Variants in HIPK2 observed in about 807,000 individuals in gnomAD.
The protein encoded by HIPK2 is homeodomain interacting protein kinase 2.
A neutral mutation model predicts 113.7 loss-of-function variants in HIPK2; 27 were observed. The observed-to-expected ratio is 0.24, with a 90% CI of 0.17 to 0.33. The LOEUF is 0.33. HIPK2 is among the 10% of genes least tolerant of loss of function. The probability of loss-of-function intolerance (pLI) is 1.00; values close to 1 mark genes in which losing one functional copy is unlikely to be tolerated. For missense variants in HIPK2, 1,257 were observed against 1,588.0 expected (o/e 0.79, Z 3.54); for synonymous variants, 631 against 642.2 (o/e 0.98, Z 0.26).
chr7:139,649,399 T>TA (rs1801373564), intron 2 of HIPK2, among the ~76,000 whole-genome samples: 2 of 152,202 alleles, frequency 1.3e-5, no homozygotes, highest in South Asian at 4.1e-4. Flanking sequence ...ATTGAGCAAA[T>TA]AAGACTAGTT....
intron 1 of HIPK2, among the ~76,000 whole-genome samples, chr7:139,751,042 TAA>T (rs1234949810): frequency 1.3e-5 from 2 of 152,258 alleles, no homozygotes; most frequent in Non-Finnish European, 2.9e-5. Context: ...GATCCTGTCC[TAA>T]ATTCTTTTAT....
At position 139,777,619 on chromosome 7, in the gene HIPK2, G is replaced by T; in HGVS notation, c.5C>A (p.Ala2Asp). 2 of 1,078,564 alleles carry T rather than the reference G, an allele frequency of 1.9e-6. No homozygotes were observed. The highest frequency in any genetic ancestry group is 1.1e-4 in the Admixed American group (2 of 18,582). The allele number at this position is 1,078,564 out of a possible 1,614,324, so 66.8% of individuals were successfully genotyped here. Residue 2 changes from alanine (A) to aspartate (D), a missense_variant, in exon 1 of 15, where the codon GCC (alanine) becomes GAC (aspartate). Physicochemically the swap from Ala to Asp is moderately radical, Grantham distance 126. Coordinates refer to ENST00000406875, the MANE Select transcript of HIPK2 (RefSeq NM_022740.5). ...GCGCCCCTTACCTTCGTACACGGGG[G>T]CCATCGGGGCCGGGGTGTCCGCGGT... is the stretch of plus-strand genomic sequence containing the variant. M[A>D]PVYEGMASHV...
rs1263763950 is a variant in HIPK2, at chr7:139,568,882, A to C, written c.*4045T>G. On this transcript the variant is annotated 3_prime_UTR_variant, in exon 15 of 15. Transcript: ENST00000406875. ...GGTGAGGACTAGGAGAATGTGCACT[A>C]ATGTTTGCTGAGCGTCTGTGGGGCT... is the stretch of plus-strand genomic sequence containing the variant. 1.3e-5 allele frequency: 2 copies of C among 152,218 alleles called. No individual in the cohort carries two copies. The highest frequency in any genetic ancestry group is 2.1e-4 in the South Asian group (1 of 4,824). The allele number at this position is 152,218 out of a possible 1,614,324, so 9.4% of individuals were successfully genotyped here.
At chr7:139,653,158 A>C (rs954798388) in intron 2 of HIPK2, among the ~76,000 whole-genome samples, 10 of 151,408 alleles carry the variant, frequency 6.6e-5, no homozygotes, top group Admixed American at 6.6e-5. Flanking sequence ...AAAAAAAAAA[A>C]AAAACTGTTC....
chr7:139,613,150 A>G lies in HIPK2; in HGVS notation c.2112+52T>C, dbSNP rs2116781485. On this transcript the variant is annotated intron_variant, in intron 9 of 14. Transcript: ENST00000406875. This position sits in a 1 kb window ranked among gnomAD's most constrained non-coding sequence, Gnocchi z 4.2. ...TGGAGATATATATCTTTTGTGAACA[A>G]CATTAACACAGGTAATGGTAATACC... The G allele has an allele frequency of 1.9e-6, 3 of 1,604,990 alleles. No individual in the cohort carries two copies. Among genetic ancestry groups the G allele is most frequent in the African/African-American group, 1.3e-5 (1 of 74,824 alleles).
rs557334083 is a variant in HIPK2, at chr7:139,591,291, C to T, written c.2717+5426G>A. ...ATCAGAAACAGGGTCGCAGAAGTAG[C>T]CATGAGTAGTCACCTCGTCCTTGTC... On this transcript the variant is annotated intron_variant, in intron 12 of 14. Coordinates refer to ENST00000406875, the MANE Select transcript of HIPK2 (RefSeq NM_022740.5). 1.6e-4 allele frequency among the ~76,000 whole-genome samples: 24 copies of T among 152,332 alleles called. No individual in the cohort carries two copies. In the South Asian group the frequency reaches 1.7e-3, roughly 11 times the overall value.
intron 2 of HIPK2, among the ~76,000 whole-genome samples, chr7:139,657,208 A>G (rs1443452911): frequency 6.6e-6 from 1 of 152,016 alleles, no homozygotes; most frequent in Non-Finnish European, 1.5e-5. Flanking sequence ...CAGTCCCCCG[A>G]CAGCTCACCC....
rs1799911378 is a variant in HIPK2 at position 139,613,471 on chromosome 7, A to C, written c.1991-148T>G. ...AACCAGGTATTGCCTGGTCCTTGGAAGTCTCCCCTTTGGCTTCTAACAAAT... is the reference window on the plus strand; with the variant it reads ...AACCAGGTATTGCCTGGTCCTTGGACGTCTCCCCTTTGGCTTCTAACAAAT... On this transcript the variant is annotated intron_variant, in intron 8 of 14. Transcript: ENST00000406875. The surrounding 1 kb of genome is among the most constrained non-coding windows in gnomAD (Gnocchi z 4.2). 5.7e-6 allele frequency: 5 copies of C among 881,394 alleles called. No individual in the cohort carries two copies. The highest frequency in any genetic ancestry group is 8.4e-6 in the Non-Finnish European group (5 of 595,474). 54.6% of individuals were successfully genotyped at this position (881,394 alleles called of 1,614,324 possible).
intron 2 of HIPK2, among the ~76,000 whole-genome samples, chr7:139,702,299 C>T (rs1794732677): frequency 6.6e-6 from 1 of 152,138 alleles, no homozygotes; most frequent in South Asian, 2.1e-4. Context: ...TACAGGCTGT[C>T]GACCCTCTTA....
intron 11 of HIPK2, 70 bp downstream of exon 11, chr7:139,600,347 C>T (rs1426325036): frequency 6.5e-7 from 1 of 1,540,912 alleles, no homozygotes; most frequent in Non-Finnish European, 8.8e-7. Context: ...CTGATACTCC[C>T]TAAACTACAT....
intron 13 of HIPK2, among the ~76,000 whole-genome samples, chr7:139,581,463 G>A (rs1798666781): frequency 6.6e-6 from 1 of 151,952 alleles, no homozygotes; most frequent in South Asian, 2.1e-4. Flanking sequence ...TCTTAAGCCA[G>A]TGTAGAGTTC....
intron 2 of HIPK2, among the ~76,000 whole-genome samples, chr7:139,633,891 G>A (rs1373739557): frequency 2.6e-5 from 4 of 151,836 alleles, no homozygotes; most frequent in African/African-American, 2.4e-5. Context: ...GCTGCAGTGA[G>A]CCGGGATCGT....
chr7:139,624,255 T>C (rs1800344112), intron 6 of HIPK2, among the ~76,000 whole-genome samples: 1 of 152,196 alleles, frequency 6.6e-6, no homozygotes, highest in Admixed American at 6.5e-5. Flanking sequence ...GCTCCTGACC[T>C]CAGCTGATCC....
At chr7:139,745,819 T>C (rs560561356) in intron 1 of HIPK2, among the ~76,000 whole-genome samples, 70 of 152,260 alleles carry the variant, frequency 4.6e-4, no homozygotes, top group African/African-American at 1.2e-3. Flanking sequence ...ACTGCAAGCA[T>C]TGTCCTGGGG....
At chr7:139,648,474 G>A (rs959222321) in intron 2 of HIPK2, among the ~76,000 whole-genome samples, 1 of 152,134 alleles carries the variant, frequency 6.6e-6, no homozygotes, top group Non-Finnish European at 1.5e-5. Flanking sequence ...CGACGTTGCG[G>A]CTTTCGGGTT....
chr7:139,689,586 G>A (rs1378426835), intron 2 of HIPK2, among the ~76,000 whole-genome samples: 1 of 152,158 alleles, frequency 6.6e-6, no homozygotes, highest in Non-Finnish European at 1.5e-5. Flanking sequence ...AGAATACTGG[G>A]TCTGCTATGG....
chr7:139,674,299 G>T (rs1056186669), intron 2 of HIPK2, among the ~76,000 whole-genome samples: 1 of 152,170 alleles, frequency 6.6e-6, no homozygotes, highest in Non-Finnish European at 1.5e-5. Flanking sequence ...TGAGGTGGGT[G>T]TTTGGTTTTT....
chr7:139,655,140 T>C (rs372604199), intron 2 of HIPK2, among the ~76,000 whole-genome samples: 4 of 152,194 alleles, frequency 2.6e-5, no homozygotes, highest in South Asian at 2.1e-4. Flanking sequence ...GAGCTGAGTA[T>C]TGATGAGCCA....
Position 139,573,247 on chromosome 7 carries a change from C to G in HIPK2, c.3277G>C (p.Ala1093Pro), listed in dbSNP as rs754614157. The G allele has an allele frequency of 2.5e-6, 4 of 1,603,866 alleles. No homozygotes were observed. The highest frequency in any genetic ancestry group is 3.4e-6 in the Non-Finnish European group (4 of 1,179,560). The change falls in exon 15 of 15, where the codon GCT becomes CCT. Residue 1093 changes from alanine (A) to proline (P), a missense_variant. Ala to Pro is a conservative substitution (Grantham distance 27). Transcript: ENST00000406875. ...VHPHLAAAAA[A>P]AHLPTQPHLY... ...TGGGGCTGGGTGGGGAGGTGGGCAG[C>G]GGCAGCGGCTGCAGCCAGATGCGGG...
Sources: allele counts gnomAD v4.1 joint callset (sites outside exome capture counted in the v4.1 genomes callset), GRCh38; gene constraint gnomAD v4.1.1; non-coding constraint Gnocchi (gnomAD v3.1); transcripts MANE v1.5; gene names NCBI Gene and HGNC (gene_info 2026-07-23, HGNC 2026-07-21).